The following LRFN3 variants were observed in gnomAD, a reference collection of about 807,000 sequenced individuals.
LRFN3 encodes leucine rich repeat and fibronectin type III domain containing 3.
Under a neutral mutation model 23.8 loss-of-function variants are expected in LRFN3, and 8 were observed. The ratio of observed to expected loss-of-function variants is 0.34; its 90% CI spans 0.20 to 0.61. LRFN3 has a LOEUF of 0.61. LRFN3 is among the 20% of genes least tolerant of loss of function. LRFN3 has a pLI of 0.80. For missense variants in LRFN3, 736 were observed against 935.3 expected (o/e 0.79, Z 2.78); for synonymous variants, 451 against 450.6 (o/e 1.00, Z -0.01).
rs1210584062 is a variant in LRFN3, at chr19:35,939,144, A to G, written c.-16-266A>G. Among the ~76,000 whole-genome samples the G allele has an allele frequency of 3.3e-5, 5 of 152,018 alleles. No individual in the cohort carries two copies. Among genetic ancestry groups the G allele is most frequent in the Non-Finnish European group, 5.9e-5 (4 of 67,988 alleles). On this transcript the variant is annotated intron_variant, in intron 1 of 2. Transcript: ENST00000246529. The surrounding 1 kb of genome is among the most constrained non-coding windows in gnomAD (Gnocchi z 6.4). The stretch of plus-strand genomic sequence containing the variant: ...CTAGCTAATTTTTAAAAATTTTTGT[A>G]TAATAGATACACGGTCTCACTTTGT...
chr19:35,944,953 G>A lies in LRFN3; in HGVS notation c.1821G>A (p.Arg607=). The A allele has an allele frequency of 6.8e-7, 1 of 1,461,510 alleles. No individual in the cohort carries two copies. The highest frequency in any genetic ancestry group is 2.8e-5 in the Admixed American group (1 of 35,498). 90.5% of individuals were successfully genotyped at this position (1,461,510 alleles called of 1,614,324 possible). A position where few individuals can be genotyped will look rare whatever the true frequency, so the allele number is the denominator to read the frequency against. Residue 607 remains arginine (R), a synonymous_variant, in exon 3 of 3, where the codon AGG becomes AGA. Coordinates refer to ENST00000246529, the MANE Select transcript of LRFN3 (RefSeq NM_024509.2). This position sits in a 1 kb window ranked among gnomAD's most constrained non-coding sequence, Gnocchi z 4.5. The part of the protein sequence containing the change: ...APPAPEPAAL[R]AHTVVQLDCE... ...CCGCCCCGGAGCCCGCGGCGCTCAG[G>A]GCCCACACCGTGGTCCAGCTGGACT...
Position 35,940,247 on chromosome 19 carries a change from C to A in LRFN3, c.822C>A (p.Ser274=). 6.2e-7 allele frequency: 1 copy of A among 1,606,092 alleles called. No homozygotes were observed. Among genetic ancestry groups the A allele is most frequent in the Non-Finnish European group, 8.5e-7 (1 of 1,179,048 alleles). ...AREDDLEACA[S]PPALGGRYFW... The stretch of plus-strand genomic sequence containing the variant: ...AGGACGACCTCGAGGCCTGCGCGTC[C>A]CCACCTGCTCTGGGCGGCCGCTACT... The change falls in exon 2 of 3, where the codon TCC becomes TCA. Residue 274 remains serine, a synonymous_variant. Coordinates refer to ENST00000246529, the MANE Select transcript of LRFN3 (RefSeq NM_024509.2).
In LRFN3 at chr19:35,944,571, C is replaced by G. The variant is rs751123711; in HGVS notation, c.1439C>G (p.Ser480Trp). Reference protein sequence around the residue: ...VYRMIPAESRSFLLTDLASGR... With the variant: ...VYRMIPAESRWFLLTDLASGR... ...AGGATGATCCCGGCGGAGAGCCGCT[C>G]GTTCCTGCTGACGGACCTGGCGTCA... The change falls in exon 3 of 3, where the codon TCG (serine) becomes TGG (tryptophan). Residue 480 changes from serine to tryptophan, a missense_variant. Transcript: ENST00000246529. This position sits in a 1 kb window ranked among gnomAD's most constrained non-coding sequence, Gnocchi z 4.5. 4.8e-6 allele frequency: 7 copies of G among 1,473,608 alleles called. No homozygotes were observed. In the East Asian group the frequency reaches 1.3e-4, roughly 26 times the overall value. 91.3% of individuals were successfully genotyped at this position (1,473,608 alleles called of 1,614,324 possible).
At position 35,944,431 on chromosome 19, in the gene LRFN3, G is replaced by A. The variant is rs930630237; in HGVS notation, c.1416-117G>A. 3.2e-6 allele frequency: 2 copies of A among 626,878 alleles called. No individual in the cohort carries two copies. Among genetic ancestry groups the A allele is most frequent in the African/African-American group, 3.9e-5 (2 of 51,724 alleles). The allele number at this position is 626,878 out of a possible 1,614,324, so 38.8% of individuals were successfully genotyped here. A position where few individuals can be genotyped will look rare whatever the true frequency, so the allele number is the denominator to read the frequency against. On this transcript the variant is annotated intron_variant, in intron 2 of 2. Coordinates refer to ENST00000246529, the MANE Select transcript of LRFN3 (RefSeq NM_024509.2). The surrounding 1 kb of genome is among the most constrained non-coding windows in gnomAD (Gnocchi z 4.5). ...TTGGTGAGAGGGAGCTCATTGGGTA[G>A]AATGAAATGAAGGAGTGGACTGGTG...
rs746703865 is a variant in LRFN3 at position 35,940,761 on chromosome 19, C to T, written c.1336C>T (p.Pro446Ser). Residue 446 changes from proline (P) to serine (S), a missense_variant, in exon 2 of 3, where the codon CCG becomes TCG. Pro to Ser is a moderately conservative substitution (Grantham distance 74). Around this residue, in one of 2 missense-constraint regions of LRFN3, gnomAD observed 290 missense variants for 287.4 expected, o/e 1.01. Coordinates refer to ENST00000246529, the MANE Select transcript of LRFN3 (RefSeq NM_024509.2). ...HGATAALVQW[P>S]DQRPIPGIRM... ...GGCCACAGCTGCTCTTGTCCAGTGG[C>T]CGGATCAGCGGCCTATCCCGGGCAT... 6.2e-7 allele frequency: 1 copy of T among 1,612,560 alleles called. No homozygotes were observed. The highest frequency in any genetic ancestry group is 1.7e-5 in the Admixed American group (1 of 59,976).
chr19:35,941,062 C>G (rs770838703), intron 2 of LRFN3, among the ~76,000 whole-genome samples: 34 of 152,106 alleles, frequency 2.2e-4, no homozygotes, highest in Non-Finnish European at 2.5e-4. Context: ...AAAAAGAAGT[C>G]AGACAAGAAG....
In LRFN3 at chr19:35,939,896, A is replaced by C. The variant is rs1057265; in HGVS notation, c.471A>C (p.Thr157=). 1.2e-5 allele frequency: 20 copies of C among 1,601,984 alleles called. No homozygotes were observed. In the South Asian group the frequency reaches 1.9e-4, roughly 15 times the overall value. ...GCGCCCTGGATGATTGTGCCGAGAC[A>C]CTGGAGGACCTCGACCTCTCCTACA... The part of the protein sequence containing the change: ...AAGALDDCAE[T]LEDLDLSYNN... Residue 157 remains threonine, a synonymous_variant, in exon 2 of 3, where the codon ACA becomes ACC. Coordinates refer to ENST00000246529, the MANE Select transcript of LRFN3 (RefSeq NM_024509.2). The surrounding 1 kb of genome is among the most constrained non-coding windows in gnomAD (Gnocchi z 6.4).
At position 35,939,372 on chromosome 19, in the gene LRFN3, C is replaced by T. The variant is rs1373139955; in HGVS notation, c.-16-38C>T. 8 of 1,526,684 alleles carry T rather than the reference C, an allele frequency of 5.2e-6. No individual in the cohort carries two copies. The highest frequency in any genetic ancestry group is 1.2e-5 in the South Asian group (1 of 81,042). The allele number at this position is 1,526,684 out of a possible 1,614,324, so 94.6% of individuals were successfully genotyped here. A position where few individuals can be genotyped will look rare whatever the true frequency, so the allele number is the denominator to read the frequency against. ...CAGACCACCCCCAGCCCCTGCAGAA[C>T]CCCTCTTCTGCCCTCACGCCTCCCC... On this transcript the variant is annotated intron_variant, in intron 1 of 2. Coordinates refer to ENST00000246529, the MANE Select transcript of LRFN3 (RefSeq NM_024509.2). The surrounding 1 kb of genome is among the most constrained non-coding windows in gnomAD (Gnocchi z 6.4).
intron 2 of LRFN3, among the ~76,000 whole-genome samples, chr19:35,943,028 C>CAA (rs566002756): frequency 9.3e-5 from 8 of 85,706 alleles, no homozygotes; most frequent in Admixed American, 3.8e-4. Flanking sequence ...GACTCCGTCT[C>CAA]AAAAAAAAAA....
At position 35,940,411 on chromosome 19, in the gene LRFN3, G is replaced by C; in HGVS notation, c.986G>C (p.Trp329Ser). ...AVGDPEPRVR[W>S]VSPQGRLLGN... Reference sequence around the variant, plus strand: ...GGGGACCCAGAGCCCCGTGTGCGTTGGGTGTCACCCCAGGGCCGGCTGCTA... The same window carrying C: ...GGGGACCCAGAGCCCCGTGTGCGTTCGGTGTCACCCCAGGGCCGGCTGCTA... The change falls in exon 2 of 3, where the codon TGG becomes TCG. Residue 329 changes from tryptophan (W) to serine (S), a missense_variant. Physicochemically the swap from Trp to Ser is radical, Grantham distance 177. This residue lies in a region of LRFN3 where 446 missense variants were observed against 647.9 expected (regional missense o/e 0.69). Transcript: ENST00000246529. The C allele has an allele frequency of 6.3e-7, 1 of 1,587,566 alleles. No individual in the cohort carries two copies. Among genetic ancestry groups the C allele is most frequent in the Non-Finnish European group, 8.5e-7 (1 of 1,171,560 alleles).
chr19:35,941,422 C>A (rs1396694750), intron 2 of LRFN3, among the ~76,000 whole-genome samples: 1 of 152,078 alleles, frequency 6.6e-6, no homozygotes, highest in African/African-American at 2.4e-5. Flanking sequence ...ACAGGGAGCC[C>A]AGAAACAATG....
Position 35,939,335 on chromosome 19 carries a change from C to CT in LRFN3, c.-16-74dup. 7.0e-7 allele frequency: 1 copy of CT among 1,435,812 alleles called. No individual in the cohort carries two copies. Among genetic ancestry groups the CT allele is most frequent in the Non-Finnish European group, 9.3e-7 (1 of 1,070,546 alleles). 88.9% of individuals were successfully genotyped at this position (1,435,812 alleles called of 1,614,324 possible). ...TCTGCCCTCAGCCCACTGTGACCTT[C>CT]TCTCCTGGTCTCAGACCACCCCCAG... is the stretch of plus-strand genomic sequence containing the variant. On this transcript the variant is annotated intron_variant, in intron 1 of 2. Transcript: ENST00000246529. This position sits in a 1 kb window ranked among gnomAD's most constrained non-coding sequence, Gnocchi z 6.4.
At chr19:35,941,953 A>G (rs1262474449) in intron 2 of LRFN3, among the ~76,000 whole-genome samples, 6 of 149,000 alleles carry the variant, frequency 4.0e-5, no homozygotes, top group South Asian at 2.1e-4. Flanking sequence ...CACAATCTTG[A>G]CTCACTGCAA....
rs1442036011 is a variant in LRFN3 at position 35,939,946 on chromosome 19, A to T, written c.521A>T (p.Glu174Val). ...SYNNLEQLPW[E>V]ALGRLGNVNT... Reference sequence around the variant, plus strand: ...AACAACCTCGAGCAGCTGCCCTGGGAGGCCCTGGGCCGCCTGGGCAACGTC... The same window carrying T: ...AACAACCTCGAGCAGCTGCCCTGGGTGGCCCTGGGCCGCCTGGGCAACGTC... The change falls in exon 2 of 3, where the codon GAG (glutamate) becomes GTG (valine). Residue 174 changes from glutamate (E) to valine (V), a missense_variant. Coordinates refer to ENST00000246529, the MANE Select transcript of LRFN3 (RefSeq NM_024509.2). The surrounding 1 kb of genome is among the most constrained non-coding windows in gnomAD (Gnocchi z 6.4). 1 of 1,607,502 alleles carries T rather than the reference A, an allele frequency of 6.2e-7. No homozygotes were observed. The highest frequency in any genetic ancestry group is 8.5e-7 in the Non-Finnish European group (1 of 1,179,832).
intron 2 of LRFN3, among the ~76,000 whole-genome samples, chr19:35,942,965 G>A (rs555666326): frequency 1.1e-3 from 167 of 151,548 alleles, no homozygotes; most frequent in South Asian, 4.6e-3. Context: ...GGAGGCGGAG[G>A]TTGCAGTGAG....
chr19:35,940,883 G>A, intron 2 of LRFN3, 43 bp downstream of exon 2: 2 of 1,483,112 alleles, frequency 1.3e-6, no homozygotes, highest in Non-Finnish European at 1.8e-6. Context: ...GGGGGAGTGA[G>A]GCAAGGGGAG....
chr19:35,943,286 A>G (rs1378884651), intron 2 of LRFN3, among the ~76,000 whole-genome samples: 2 of 152,240 alleles, frequency 1.3e-5, no homozygotes, highest in Non-Finnish European at 2.9e-5. Context: ...GAAACCAGCC[A>G]ACAGAGATAA....
Position 35,939,358 on chromosome 19 carries a change from C to T in LRFN3, c.-16-52C>T. The stretch of plus-strand genomic sequence containing the variant: ...TTCTCTCCTGGTCTCAGACCACCCC[C>T]AGCCCCTGCAGAACCCCTCTTCTGC... On this transcript the variant is annotated intron_variant, in intron 1 of 2. Coordinates refer to ENST00000246529, the MANE Select transcript of LRFN3 (RefSeq NM_024509.2). The surrounding 1 kb of genome is among the most constrained non-coding windows in gnomAD (Gnocchi z 6.4). 6.6e-7 allele frequency: 1 copy of T among 1,515,410 alleles called. No individual in the cohort carries two copies. The highest frequency in any genetic ancestry group is 8.8e-7 in the Non-Finnish European group (1 of 1,131,102). 93.9% of individuals were successfully genotyped at this position (1,515,410 alleles called of 1,614,324 possible).
rs1339434663 is a variant in LRFN3 at position 35,945,043 on chromosome 19, T to C, written c.*24T>C. 1 of 1,293,478 alleles carries C rather than the reference T, an allele frequency of 7.7e-7. No homozygotes were observed. Among genetic ancestry groups the C allele is most frequent in the African/African-American group, 1.6e-5 (1 of 63,604 alleles). The allele number at this position is 1,293,478 out of a possible 1,614,324, so 80.1% of individuals were successfully genotyped here. A position where few individuals can be genotyped will look rare whatever the true frequency, so the allele number is the denominator to read the frequency against. ...AGCCAGGCGCCCCCCCCTCTAAGGG[T>C]CCTCTGGCCCCACGGACAGCAGGAC... is the stretch of plus-strand genomic sequence containing the variant. On this transcript the variant is annotated 3_prime_UTR_variant, in exon 3 of 3. Transcript: ENST00000246529.
Sources: gnomAD v4.1 joint callset for allele counts (sites outside exome capture counted in the v4.1 genomes callset) on GRCh38, gnomAD v4.1.1 for gene constraint, gnomAD v4.1.1 regional missense constraint, Gnocchi (gnomAD v3.1) non-coding constraint, MANE v1.5 for transcripts, NCBI Gene and HGNC (gene_info 2026-07-23, HGNC 2026-07-21) for gene names.